Variants in SMCO1 observed in about 807,000 individuals in gnomAD.
SMCO1 encodes single-pass membrane protein with coiled-coil domains 1.
In SMCO1, 9 loss-of-function variants were observed where a neutral mutation model predicts 7.5. The ratio of observed to expected loss-of-function variants is 1.20; its 90% CI spans 0.72 to 2.09. The LOEUF (loss-of-function observed/expected upper bound fraction) is 2.09. SMCO1 is among the 30% of genes most tolerant of loss of function. The pLI is 0.00. For synonymous variants in SMCO1, 90 were observed against 93.8 expected, an observed-to-expected ratio of 0.96 and a Z score of 0.23; for missense variants, 219 against 253.1, an observed-to-expected ratio of 0.87 and a Z score of 0.91.
In SMCO1 at chr3:196,509,599, G is replaced by C; in HGVS notation, c.121C>G (p.Gln41Glu). 6.2e-7 allele frequency: 1 copy of C among 1,613,990 alleles called. No homozygotes were observed. The highest frequency in any genetic ancestry group is 8.5e-7 in the Non-Finnish European group (1 of 1,179,952). Residue 41 changes from glutamine (Q) to glutamate (E), a missense_variant, in exon 2 of 3, where the codon CAG becomes GAG. Coordinates refer to ENST00000397537, the MANE Select transcript of SMCO1 (RefSeq NM_001077657.3). The part of the protein sequence containing the change: ...ELDFTKDNLM[Q>E]KFEHHSKALA... ...GCCTTACTATGATGTTCGAATTTCTGCATCAGGTTATCCTTGGTGAAGTCT... is the reference window on the plus strand; with the variant it reads ...GCCTTACTATGATGTTCGAATTTCTCCATCAGGTTATCCTTGGTGAAGTCT...
At chr3:196,509,489 G>A in intron 2 of SMCO1, 31 bp downstream of exon 2, 2 of 1,583,036 alleles carry the variant, frequency 1.3e-6, no homozygotes, top group Non-Finnish European at 1.7e-6. Flanking sequence ...CAAAGCCACA[G>A]AATCCCACTG....
chr3:196,515,038 C>T, intron 1 of SMCO1, 122 bp downstream of exon 1: 1 of 1,247,844 alleles, frequency 8.0e-7, no homozygotes, highest in Non-Finnish European at 1.2e-6. Flanking sequence ...CCGCACCGGC[C>T]ACAGAGACAG....
chr3:196,509,126 T>C (rs1162201385), intron 2 of SMCO1, among the ~76,000 whole-genome samples: 1 of 146,350 alleles, frequency 6.8e-6, no homozygotes, highest in Non-Finnish European at 1.5e-5. Flanking sequence ...CTCGGCTCAC[T>C]GCAAGCTCCG....
chr3:196,515,990 T>G (rs1232448039), upstream of SMCO1, among the ~76,000 whole-genome samples: 43 of 18,974 alleles, frequency 2.3e-3, no homozygotes, highest in African/African-American at 0.019. Context: ...GAGGATAGGA[T>G]ATATATATAT....
Position 196,515,201 on chromosome 3 carries a change from ATT to A in SMCO1, c.7_8del (p.Asn3Ter). 6.2e-7 allele frequency: 1 copy of A among 1,612,990 alleles called. No individual in the cohort carries two copies. The highest frequency in any genetic ancestry group is 8.5e-7 in the Non-Finnish European group (1 of 1,178,968). MN[N>X]ETTTLISLKE... is the part of the protein sequence containing the mutation. Reference sequence around the variant, plus strand: ...TCAAGGATATCAGGGTTGTGGTTTCATTGTTCATCTTCTGAAGGCAAAAGGAA... The same window carrying A: ...TCAAGGATATCAGGGTTGTGGTTTCAGTTCATCTTCTGAAGGCAAAAGGAA... On this transcript the variant is annotated frameshift_variant, in exon 1 of 3. Transcript: ENST00000397537. LOFTEE classifies it high-confidence loss of function.
Position 196,508,108 on chromosome 3 carries a change from A to C in SMCO1, c.424T>G (p.Phe142Val). The C allele has an allele frequency of 6.2e-7, 1 of 1,614,156 alleles. No individual in the cohort carries two copies. Among genetic ancestry groups the C allele is most frequent in the Non-Finnish European group, 8.5e-7 (1 of 1,180,022 alleles). ...QEGDITALCT[F>V]FIARGNKAEH... ...GCCTTGTTACCACGTGCAATAAAGAAGGTACAAAGTGCTGTGATGTCTCCT... is the reference window on the plus strand; with the variant it reads ...GCCTTGTTACCACGTGCAATAAAGACGGTACAAAGTGCTGTGATGTCTCCT... The change falls in exon 3 of 3, where the codon TTC (phenylalanine) becomes GTC (valine). Residue 142 changes from phenylalanine to valine, a missense_variant. By Grantham distance (50) the Phe-to-Val change is conservative. Transcript: ENST00000397537.
chr3:196,508,701 A>T (rs1173663602), intron 2 of SMCO1, among the ~76,000 whole-genome samples: 5 of 150,456 alleles, frequency 3.3e-5, no homozygotes, highest in Non-Finnish European at 1.5e-5. Flanking sequence ...CTGTGGGAGG[A>T]CGAGGTGGTT....
At position 196,515,140 on chromosome 3, in the gene SMCO1, T is replaced by A; in HGVS notation, c.50+20A>T. 1 of 1,613,840 alleles carries A rather than the reference T, an allele frequency of 6.2e-7. No individual in the cohort carries two copies. Among genetic ancestry groups the A allele is most frequent in the Non-Finnish European group, 8.5e-7 (1 of 1,179,732 alleles). ...GAATAGCAGACCCATGCTTGCTCCC[T>A]CCCTATAGCCCTCAGCAACCTTTTC... On this transcript the variant is annotated intron_variant, in intron 1 of 2. Transcript: ENST00000397537.
intron 1 of SMCO1, among the ~76,000 whole-genome samples, chr3:196,511,441 C>T (rs1577534409): frequency 4.0e-5 from 4 of 99,014 alleles, no homozygotes; most frequent in Non-Finnish European, 6.0e-5. Flanking sequence ...ATGAGGGAAA[C>T]CTGCCTGAGC....
chr3:196,512,213 A>G (rs112577164), intron 1 of SMCO1, among the ~76,000 whole-genome samples: 75,753 of 132,448 alleles, frequency 0.57, 21,327 homozygotes, highest in African/African-American at 0.79. Context: ...TGGTTATGAG[A>G]GAAACTTGCC....
chr3:196,509,458 A>C (rs1733156276), intron 2 of SMCO1, 62 bp downstream of exon 2: 4 of 1,404,496 alleles, frequency 2.8e-6, no homozygotes, highest in Non-Finnish European at 2.9e-6. Flanking sequence ...TCAATTTTGC[A>C]ATGACCAGTG....
intron 1 of SMCO1, among the ~76,000 whole-genome samples, chr3:196,514,703 T>A (rs1291409553): frequency 6.6e-6 from 1 of 152,252 alleles, no homozygotes; most frequent in Non-Finnish European, 1.5e-5. Context: ...ATTGTTAATT[T>A]ACATAGGTTT....
chr3:196,520,037 A>G (rs536046291), upstream of SMCO1, among the ~76,000 whole-genome samples: 10 of 152,300 alleles, frequency 6.6e-5, no homozygotes, highest in Non-Finnish European at 1.2e-4. Context: ...CTAGATGGGA[A>G]ACAGACCATC....
chr3:196,513,627 C>CAAAA (rs63105160), intron 1 of SMCO1, among the ~76,000 whole-genome samples: 20 of 93,758 alleles, frequency 2.1e-4, no homozygotes, highest in African/African-American at 3.7e-4. Flanking sequence ...GACTCTGTCT[C>CAAAA]AAAAAAAAAA....
rs774524136 is a variant in SMCO1, at chr3:196,509,652, TGG to T, written c.66_67del (p.Gln23SerfsTer15). ...TTCTTTGAACTGTGTTTCTAACGCT[TGG>T]AGTTTGTGGTCTACTCTGTAGGATA... On this transcript the variant is annotated frameshift_variant, in exon 2 of 3. Transcript: ENST00000397537. LOFTEE classifies it high-confidence loss of function. 1 of 1,614,118 alleles carries T rather than the reference TGG, an allele frequency of 6.2e-7. No homozygotes were observed. Among genetic ancestry groups the T allele is most frequent in the African/African-American group, 1.3e-5 (1 of 75,048 alleles).
At chr3:196,519,387 T>C (rs1385585962), upstream of SMCO1, among the ~76,000 whole-genome samples, 1 of 152,268 alleles carries the variant, frequency 6.6e-6, no homozygotes, top group Non-Finnish European at 1.5e-5. Context: ...GTTGGTCCAC[T>C]GTAGCTTCCC....
chr3:196,518,993 C>G (rs556926907), upstream of SMCO1, among the ~76,000 whole-genome samples: 19 of 152,326 alleles, frequency 1.2e-4, no homozygotes, highest in African/African-American at 4.1e-4. Context: ...GAATTTCTGG[C>G]CAGTGCACAC....
chr3:196,512,895 TC>T (rs1733288152), intron 1 of SMCO1, among the ~76,000 whole-genome samples: 1 of 152,092 alleles, frequency 6.6e-6, no homozygotes, highest in Admixed American at 6.5e-5. Flanking sequence ...TACTAATACC[TC>T]CCCCATCTTC....
Position 196,509,762 on chromosome 3 carries a change from A to AT in SMCO1, c.51-94dup. Reference sequence around the variant, plus strand: ...AGGCTCTAATACATTATTTACAACCATTACCAAATTTGGATAACTTTTTTT... The same window carrying AT: ...AGGCTCTAATACATTATTTACAACCATTTACCAAATTTGGATAACTTTTTTT... On this transcript the variant is annotated intron_variant, in intron 1 of 2. Transcript: ENST00000397537. 4 of 1,076,238 alleles carry AT rather than the reference A, an allele frequency of 3.7e-6. No homozygotes were observed. In the South Asian group the frequency reaches 1.1e-4, roughly 29 times the overall value. 66.7% of individuals were successfully genotyped at this position (1,076,238 alleles called of 1,614,324 possible).
Sources: allele counts gnomAD v4.1 joint callset (sites outside exome capture counted in the v4.1 genomes callset), GRCh38; gene constraint gnomAD v4.1.1; transcripts MANE v1.5; gene names NCBI Gene and HGNC (gene_info 2026-07-23, HGNC 2026-07-21).